The following PITPNC1 variants were observed in gnomAD, a reference collection of about 807,000 sequenced individuals.
PITPNC1 encodes the protein phosphatidylinositol transfer protein cytoplasmic 1.
PITPNC1 carries 18 observed loss-of-function variants against 44.7 expected under a neutral mutation model. That is an observed-to-expected ratio of 0.40 (90% CI 0.28 to 0.60). The LOEUF (loss-of-function observed/expected upper bound fraction) is 0.60, where lower values mean the gene tolerates loss of function less well. Among genes scored for constraint, PITPNC1 ranks in the 20% least tolerant of loss-of-function variants. The pLI, the probability that PITPNC1 is intolerant of heterozygous loss-of-function variation, is 0.39. For missense variants in PITPNC1, 290 were observed against 418.4 expected, an observed-to-expected ratio of 0.69 and a Z score of 2.68; for synonymous variants, 141 against 149.6, an observed-to-expected ratio of 0.94 and a Z score of 0.42.
At chr17:67,413,084 T>A (rs1348012402) in intron 1 of PITPNC1, among the ~76,000 whole-genome samples, 3 of 152,230 alleles carry the variant, frequency 2.0e-5, no homozygotes, top group Non-Finnish European at 2.9e-5. Context: ...AAATTTCTTG[T>A]TCCTCTTTTT....
intron 1 of PITPNC1, among the ~76,000 whole-genome samples, chr17:67,403,228 A>AAAAAAAAAAAAAAAAAAAG (rs2038348550): frequency 6.6e-6 from 1 of 150,764 alleles, no homozygotes; most frequent in Non-Finnish European, 1.5e-5. Context: ...CAAAAAAAAA[A>AAAAAAAAAAAAAAAAAAAG]AAAAAAAAAA....
At chr17:67,534,878 C>T (rs569544118) in intron 2 of PITPNC1, among the ~76,000 whole-genome samples, 162 of 152,212 alleles carry the variant, frequency 1.1e-3, no homozygotes, top group African/African-American at 3.8e-3. Context: ...ATTCTCAGGG[C>T]CTCGGACGTG....
intron 1 of PITPNC1, among the ~76,000 whole-genome samples, chr17:67,500,255 A>T (rs75531219): frequency 0.087 from 13,215 of 152,162 alleles, 571 homozygotes; most frequent in South Asian, 0.14. Context: ...TCTCCCTTTT[A>T]CGTTGTCCAA....
chr17:67,643,908 C>T (rs2042117559), intron 6 of PITPNC1, among the ~76,000 whole-genome samples: 1 of 152,114 alleles, frequency 6.6e-6, no homozygotes, highest in Non-Finnish European at 1.5e-5. Context: ...AAGTGGCCAC[C>T]GTGAGTGGCG....
In PITPNC1 at chr17:67,425,203, G is replaced by GCGCGCGCGCGCGCA. The variant is rs1370190915; in HGVS notation, c.48+47002_48+47003insGCGCGCGCGCGCAC. Among the ~76,000 whole-genome samples the GCGCGCGCGCGCGCA allele has an allele frequency of 1.1e-4, 11 of 98,780 alleles. 1 individual carries two copies. Among genetic ancestry groups the GCGCGCGCGCGCGCA allele is most frequent in the African/African-American group, 2.9e-4 (7 of 23,900 alleles). 64.8% of individuals were successfully genotyped at this position (98,780 alleles called of 152,430 possible). On this transcript the variant is annotated intron_variant, in intron 1 of 8. Transcript: ENST00000581322. ...CCATGTTGTGCGCGCGCACGCACAC[G>GCGCGCGCGCGCGCA]CACACACACACACACACACACACAC...
At position 67,632,098 on chromosome 17, in the gene PITPNC1, A is replaced by T. The variant is rs749360892; in HGVS notation, c.367-45A>T. ...TCTGCCTCGGGCACTTTGGAGGGTA[A>T]CACCTGCTATCACTAACCTTTGATA... On this transcript the variant is annotated intron_variant, in intron 5 of 8. Coordinates refer to ENST00000581322, the MANE Select transcript of PITPNC1 (RefSeq NM_012417.4). 17 of 1,232,098 alleles carry T rather than the reference A, an allele frequency of 1.4e-5. No homozygotes were observed. The East Asian group carries it at 2.5e-4, about 18-fold the overall frequency. The allele number at this position is 1,232,098 out of a possible 1,614,324, so 76.3% of individuals were successfully genotyped here.
intron 1 of PITPNC1, among the ~76,000 whole-genome samples, chr17:67,396,585 G>A (rs1448772878): frequency 1.3e-5 from 2 of 151,834 alleles, no homozygotes; most frequent in Non-Finnish European, 2.9e-5. Flanking sequence ...GGCCAGGCTG[G>A]TCTTGAACTC....
chr17:67,503,440 G>T (rs2040061963), intron 1 of PITPNC1, among the ~76,000 whole-genome samples: 2 of 152,148 alleles, frequency 1.3e-5, no homozygotes, highest in African/African-American at 4.8e-5. Flanking sequence ...CATCTTGACG[G>T]GGAGGGAGGG....
chr17:67,552,370 G>A (rs2144168273), intron 3 of PITPNC1, 25 bp downstream of exon 3: 1 of 1,120,584 alleles, frequency 8.9e-7, no homozygotes, highest in Non-Finnish European at 1.4e-6. Context: ...CAACCATATG[G>A]CACATGTAGT....
At chr17:67,398,318 C>T (rs1046726648) in intron 1 of PITPNC1, among the ~76,000 whole-genome samples, 5 of 152,026 alleles carry the variant, frequency 3.3e-5, no homozygotes, top group Admixed American at 1.3e-4. Context: ...CGGGATTCAG[C>T]GAACTCTTGG....
At chr17:67,418,478 C>A (rs1229388153) in intron 1 of PITPNC1, among the ~76,000 whole-genome samples, 7 of 152,104 alleles carry the variant, frequency 4.6e-5, no homozygotes, top group African/African-American at 7.2e-5. Flanking sequence ...TAGATTTCTC[C>A]ATGTTCTGTG....
rs550175801 is a variant in PITPNC1 at position 67,559,353 on chromosome 17, G to T, written c.294+5736G>T. Among the ~76,000 whole-genome samples the T allele has an allele frequency of 2.6e-5, 4 of 152,338 alleles. No individual in the cohort carries two copies. In the East Asian group the frequency reaches 5.8e-4, roughly 22 times the overall value. On this transcript the variant is annotated intron_variant, in intron 4 of 8. Coordinates refer to ENST00000581322, the MANE Select transcript of PITPNC1 (RefSeq NM_012417.4). ...CTCATCTACGATGTAAGCTAAGAGGGTGAAAGTCCCTAAGAGTCCCTTCTT... is the reference window on the plus strand; with the variant it reads ...CTCATCTACGATGTAAGCTAAGAGGTTGAAAGTCCCTAAGAGTCCCTTCTT...
intron 1 of PITPNC1, among the ~76,000 whole-genome samples, chr17:67,432,196 T>C (rs1489940739): frequency 6.6e-6 from 1 of 152,168 alleles, no homozygotes; most frequent in African/African-American, 2.4e-5. Flanking sequence ...ACATATAAAA[T>C]ACACTAACAC....
chr17:67,378,244 C>G, intron 1 of PITPNC1, 42 bp downstream of exon 1: 2 of 1,355,874 alleles, frequency 1.5e-6, no homozygotes, highest in South Asian at 2.9e-5. Flanking sequence ...CTCCGGGACC[C>G]CCGCCGCTAC....
chr17:67,555,293 T>G (rs1446784648), intron 4 of PITPNC1, among the ~76,000 whole-genome samples: 1 of 152,198 alleles, frequency 6.6e-6, no homozygotes, highest in Non-Finnish European at 1.5e-5. Context: ...GTAAATGTTT[T>G]CTGTTTTGTG....
Position 67,495,348 on chromosome 17 carries a change from G to A in PITPNC1, c.49-37454G>A, listed in dbSNP as rs761094672. On this transcript the variant is annotated intron_variant, in intron 1 of 8. Coordinates refer to ENST00000581322, the MANE Select transcript of PITPNC1 (RefSeq NM_012417.4). The stretch of plus-strand genomic sequence containing the variant: ...GTTGGGATTACAGGCATGAGCCACC[G>A]CGCCCGGCCTCTGAGCCACGGAGAT... Among the ~76,000 whole-genome samples, 113 of 152,080 alleles carry A rather than the reference G, an allele frequency of 7.4e-4. 1 individual carries two copies. Among genetic ancestry groups the A allele is most frequent in the Middle Eastern group, 3.4e-3 (1 of 294 alleles).
intron 1 of PITPNC1, among the ~76,000 whole-genome samples, chr17:67,412,359 C>T (rs1161318296): frequency 6.6e-6 from 1 of 152,104 alleles, no homozygotes; most frequent in Admixed American, 6.6e-5. Context: ...GTGCTGATGG[C>T]ACAAGCTCCA....
intron 6 of PITPNC1, among the ~76,000 whole-genome samples, chr17:67,641,134 A>C (rs1011835655): frequency 9.2e-5 from 14 of 152,196 alleles, no homozygotes; most frequent in Admixed American, 4.6e-4. Context: ...ACACATAGTC[A>C]TCCTCAGAGG....
chr17:67,402,121 C>G (rs888551139), intron 1 of PITPNC1, among the ~76,000 whole-genome samples: 1 of 152,152 alleles, frequency 6.6e-6, no homozygotes, highest in Non-Finnish European at 1.5e-5. Flanking sequence ...ACTCTGACCT[C>G]GTAACATGAA....
Sources: allele counts gnomAD v4.1 joint callset (sites outside exome capture counted in the v4.1 genomes callset), GRCh38; gene constraint gnomAD v4.1.1; transcripts MANE v1.5; gene names NCBI Gene and HGNC (gene_info 2026-07-23, HGNC 2026-07-21).